PARP6: variants seen among roughly 807,000 people sequenced by gnomAD.
PARP6 encodes the protein protein mono-ADP-ribosyltransferase PARP6.
In PARP6, 27 loss-of-function variants were observed where a neutral mutation model predicts 92.0. That is an observed-to-expected ratio of 0.29 (90% CI 0.22 to 0.40). The LOEUF is 0.40. Ranked by LOEUF, PARP6 falls within the 10% of genes least tolerant of loss-of-function variation. The probability of loss-of-function intolerance (pLI) is 1.00; values close to 1 mark genes in which losing one functional copy is unlikely to be tolerated. For missense variants in PARP6, 501 were observed against 784.5 expected (o/e 0.64, Z 4.32); for synonymous variants, 272 against 281.2 (o/e 0.97, Z 0.33).
At chr15:72,260,097 G>A (rs187468147) in intron 10 of PARP6, among the ~76,000 whole-genome samples, 1 of 152,284 alleles carries the variant, frequency 6.6e-6, no homozygotes, top group East Asian at 1.9e-4. Context: ...GAAGGAAGGC[G>A]GATCACTTGA....
intron 20 of PARP6, among the ~76,000 whole-genome samples, chr15:72,246,261 T>G (rs909108816): frequency 5.9e-5 from 9 of 152,214 alleles, no homozygotes; most frequent in Non-Finnish European, 1.0e-4. Context: ...GTGATTCTTC[T>G]GCCTCAGCCT....
chr15:72,261,379 C>T (rs188326449), intron 9 of PARP6, among the ~76,000 whole-genome samples, 179 bp downstream of exon 9: 12 of 151,806 alleles, frequency 7.9e-5, no homozygotes, highest in African/African-American at 2.7e-4. Flanking sequence ...AGGTATTAAC[C>T]TTGGATAAGG....
In PARP6 at chr15:72,260,494, G is replaced by A. The variant is rs2085721049; in HGVS notation, c.740C>T (p.Ala247Val). ...CCCATGTACCAAAGGAGAGGTCCGT[G>A]CTGGGGGAGGGAGGCCCACGTGCTG... ...CPQHVGLPPP[A>V]RTSPLVSGHC... The change falls in exon 10 of 24, where the codon GCA becomes GTA. Residue 247 changes from alanine to valine, a missense_variant. Ala to Val is a moderately conservative substitution (Grantham distance 64, BLOSUM62 0). This residue lies in a region of PARP6 where 291 missense variants were observed against 352.0 expected (regional missense o/e 0.83). Coordinates refer to ENST00000569795, the MANE Select transcript of PARP6 (RefSeq NM_001323532.2). The A allele has an allele frequency of 6.2e-7, 1 of 1,613,944 alleles. No individual in the cohort carries two copies. The highest frequency in any genetic ancestry group is 1.3e-5 in the African/African-American group (1 of 74,944).
At chr15:72,256,015 T>G (rs2085072625) in intron 14 of PARP6, among the ~76,000 whole-genome samples, 1 of 151,884 alleles carries the variant, frequency 6.6e-6, no homozygotes. Context: ...GCCAGGATGG[T>G]CTCGATCTCC....
intron 20 of PARP6, among the ~76,000 whole-genome samples, chr15:72,246,147 A>G: frequency 6.6e-6 from 1 of 152,010 alleles, no homozygotes; most frequent in Non-Finnish European, 1.5e-5. Context: ...ATAACACATT[A>G]TTGTTTTGTT....
chr15:72,258,568 G>C (rs2085434795), intron 11 of PARP6, among the ~76,000 whole-genome samples: 1 of 152,218 alleles, frequency 6.6e-6, no homozygotes. Context: ...GTCCCTCTGG[G>C]ATAGGAGAGC....
At chr15:72,243,014 A>C in intron 20 of PARP6, 1 of 311,410 alleles carries the variant, frequency 3.2e-6, no homozygotes. Context: ...AGAGTTAATT[A>C]AATAAACAGC....
At chr15:72,271,571 C>T (rs1388660266) in intron 1 of PARP6, among the ~76,000 whole-genome samples, 3 of 152,214 alleles carry the variant, frequency 2.0e-5, no homozygotes, top group Non-Finnish European at 4.4e-5. Flanking sequence ...ACACAGAATA[C>T]TTAGACCTAC....
chr15:72,257,321 C>A, intron 13 of PARP6, 27 bp downstream of exon 13: 1 of 1,533,234 alleles, frequency 6.5e-7, no homozygotes, highest in South Asian at 1.1e-5. Flanking sequence ...GATCCCAATT[C>A]CCCAGCCACG....
chr15:72,261,485 T>C (rs2085882579), intron 9 of PARP6, 73 bp downstream of exon 9: 1 of 1,324,542 alleles, frequency 7.5e-7, no homozygotes, highest in Non-Finnish European at 1.1e-6. Context: ...TAGAAACATT[T>C]ATGTAATCAA....
In PARP6 at chr15:72,241,427, CAG is replaced by C. The variant is rs151063869; in HGVS notation, c.*26_*27del. On this transcript the variant is annotated 3_prime_UTR_variant, in exon 24 of 24. Transcript: ENST00000569795. This position sits in a 1 kb window ranked among gnomAD's most constrained non-coding sequence, Gnocchi z 4.1. ...TGAGGGCAGATGGATCCTGGGGTAA[CAG>C]GGGTGGTACGAGGGCTGGGGCCCCC... The C allele has an allele frequency of 9.0e-3, 13,325 of 1,487,894 alleles. 116 individuals carry two copies. The highest frequency in any genetic ancestry group is 0.034 in the African/African-American group (2,443 of 72,656). 92.2% of individuals were successfully genotyped at this position (1,487,894 alleles called of 1,614,324 possible). A position where few individuals can be genotyped will look rare whatever the true frequency, so the allele number is the denominator to read the frequency against.
At position 72,267,469 on chromosome 15, in the gene PARP6, T is replaced by G; in HGVS notation, c.3+6A>C. 6.2e-7 allele frequency: 1 copy of G among 1,613,798 alleles called. No homozygotes were observed. The highest frequency in any genetic ancestry group is 8.5e-7 in the Non-Finnish European group (1 of 1,179,742). On this transcript the variant is annotated splice_donor_region_variant and intron_variant, in intron 3 of 23. Coordinates refer to ENST00000569795, the MANE Select transcript of PARP6 (RefSeq NM_001323532.2). ...TCAGTTGGAGAGGTGGGCAGTCAGTTCTCACCATTGGGTCAGTGGGTCACA... is the reference window on the plus strand; with the variant it reads ...TCAGTTGGAGAGGTGGGCAGTCAGTGCTCACCATTGGGTCAGTGGGTCACA...
chr15:72,242,092 G>C lies in PARP6; in HGVS notation c.1705+65C>G, dbSNP rs890185939. 3.9e-6 allele frequency: 6 copies of C among 1,527,880 alleles called. No homozygotes were observed. The highest frequency in any genetic ancestry group is 3.3e-5 in the Admixed American group (2 of 59,812). 94.6% of individuals were successfully genotyped at this position (1,527,880 alleles called of 1,614,324 possible). A position where few individuals can be genotyped will look rare whatever the true frequency, so the allele number is the denominator to read the frequency against. Reference sequence around the variant, plus strand: ...AACATCACTCTTGGCCAGATCATGTGCCAAAATTACATCAGAAACAAAGGT... The same window carrying C: ...AACATCACTCTTGGCCAGATCATGTCCCAAAATTACATCAGAAACAAAGGT... On this transcript the variant is annotated intron_variant, in intron 22 of 23. Transcript: ENST00000569795. The surrounding 1 kb of genome is among the most constrained non-coding windows in gnomAD (Gnocchi z 4.3).
chr15:72,272,371 C>A (rs2141159415), intron 1 of PARP6, 22 bp downstream of exon 1: 1 of 152,606 alleles, frequency 6.6e-6, no homozygotes, highest in East Asian at 1.9e-4. Flanking sequence ...GCCCTCAGAA[C>A]CTCCCGGTCC....
chr15:72,260,498 G>C lies in PARP6; in HGVS notation c.736C>G (p.Pro246Ala). 5 of 1,614,082 alleles carry C rather than the reference G, an allele frequency of 3.1e-6. No homozygotes were observed. The highest frequency in any genetic ancestry group is 4.2e-6 in the Non-Finnish European group (5 of 1,179,924). Residue 246 changes from proline (P) to alanine (A), a missense_variant, in exon 10 of 24, where the codon CCA becomes GCA. Pro to Ala is a conservative substitution (Grantham distance 27, BLOSUM62 -1). Around this residue, in one of 4 missense-constraint regions of PARP6, gnomAD observed 291 missense variants for 352.0 expected, o/e 0.83. Coordinates refer to ENST00000569795, the MANE Select transcript of PARP6 (RefSeq NM_001323532.2). ...LCPQHVGLPP[P>A]ARTSPLVSGH... is the part of the protein sequence containing the mutation. ...TGTACCAAAGGAGAGGTCCGTGCTGGGGGAGGGAGGCCCACGTGCTGAGGG... is the reference window on the plus strand; with the variant it reads ...TGTACCAAAGGAGAGGTCCGTGCTGCGGGAGGGAGGCCCACGTGCTGAGGG...
chr15:72,254,325 A>T, intron 15 of PARP6, 130 bp downstream of exon 15: 1 of 653,884 alleles, frequency 1.5e-6, no homozygotes, highest in South Asian at 1.9e-5. Flanking sequence ...AAGGTTAAAG[A>T]GGAAAGACTA....
chr15:72,242,214 A>G lies in PARP6; in HGVS notation c.1648T>C (p.Ser550Pro). 9.9e-6 allele frequency: 16 copies of G among 1,613,998 alleles called. No homozygotes were observed. Among genetic ancestry groups the G allele is most frequent in the Non-Finnish European group, 1.1e-5 (13 of 1,179,896 alleles). The change falls in exon 22 of 24, where the codon TCC becomes CCC. Residue 550 changes from serine (S) to proline (P), a missense_variant. Ser to Pro is a moderately conservative substitution (Grantham distance 74). Transcript: ENST00000569795. This position sits in a 1 kb window ranked among gnomAD's most constrained non-coding sequence, Gnocchi z 4.3. ...NRMNTIPQTRSIQSRFLQSRN... is the reference protein window; with the variant it reads ...NRMNTIPQTRPIQSRFLQSRN... ...CTCTGCAGGAACCGTGACTGAATGG[A>G]TCGGGTCTGGAAGAGAAGGAGGCAA...
intron 14 of PARP6, among the ~76,000 whole-genome samples, chr15:72,254,737 C>T (rs575681246): frequency 8.5e-5 from 13 of 152,290 alleles, no homozygotes; most frequent in African/African-American, 3.1e-4. Flanking sequence ...CTCTTAGAAC[C>T]TTTAGCATCC....
At position 72,242,960 on chromosome 15, in the gene PARP6, G is replaced by C. The variant is rs1596864764; in HGVS notation, c.1562-261C>G. On this transcript the variant is annotated intron_variant, in intron 20 of 23. Transcript: ENST00000569795. The surrounding 1 kb of genome is among the most constrained non-coding windows in gnomAD (Gnocchi z 4.3). ...AACTAGCCTAGCCTAAGAGTTTAAA[G>C]AAGTCATGTGGTGACAGCTAGACTG... 1 of 448,908 alleles carries C rather than the reference G, an allele frequency of 2.2e-6. No homozygotes were observed. The highest frequency in any genetic ancestry group is 3.9e-6 in the Non-Finnish European group (1 of 254,086). 27.8% of individuals were successfully genotyped at this position (448,908 alleles called of 1,614,324 possible).
Sources: allele counts gnomAD v4.1 joint callset (sites outside exome capture counted in the v4.1 genomes callset), GRCh38; gene constraint gnomAD v4.1.1; regional missense constraint gnomAD v4.1.1; non-coding constraint Gnocchi (gnomAD v3.1); transcripts MANE v1.5; gene names NCBI Gene and HGNC (gene_info 2026-07-23, HGNC 2026-07-21).